Variants in PCDHA4 observed in about 807,000 individuals in gnomAD.
PCDHA4 encodes the protein protocadherin alpha-4.
PCDHA4 carries 49 observed loss-of-function variants against 61.4 expected under a neutral mutation model. The ratio of observed to expected loss-of-function variants is 0.80; its 90% confidence interval spans 0.63 to 1.01. The LOEUF is 1.01. Among genes scored for constraint, PCDHA4 ranks in the 50% least tolerant of loss-of-function variants. PCDHA4 has a pLI of 0.00. For synonymous variants in PCDHA4, 590 were observed against 550.3 expected (o/e 1.07, Z -1.01); for missense variants, 1,254 against 1,235.8 (o/e 1.01, Z -0.22).
rs548657178 is a variant in PCDHA4 at position 140,808,515 on chromosome 5, T to G, written c.1328T>G (p.Val443Gly). The G allele has an allele frequency of 1.9e-6, 3 of 1,614,118 alleles. No individual in the cohort carries two copies. Among genetic ancestry groups the G allele is most frequent in the Admixed American group, 3.3e-5 (2 of 60,032 alleles). Residue 443 changes from valine (V) to glycine (G), a missense_variant, in exon 1 of 4, where the codon GTG (valine) becomes GGG (glycine). Val to Gly is a moderately radical substitution (Grantham distance 109). Coordinates refer to ENST00000530339, the MANE Select transcript of PCDHA4 (RefSeq NM_018907.4). ...CTGTGGGCCACGGCCAGTGTTTCTG[T>G]GGAGGTGGCTGATGTGAACGACAAC... Reference protein sequence around the residue: ...PSLWATASVSVEVADVNDNAP... With the variant: ...PSLWATASVSGEVADVNDNAP...
In PCDHA4 at chr5:140,900,301, C is replaced by CAG. The variant is rs1168626144; in HGVS notation, c.2386-78647_2386-78646dup. Among the ~76,000 whole-genome samples the CAG allele has an allele frequency of 1.4e-4, 22 of 152,156 alleles. No homozygotes were observed. The East Asian group carries it at 4.1e-3, about 28-fold the overall frequency. On this transcript the variant is annotated intron_variant, in intron 1 of 3. Coordinates refer to ENST00000530339, the MANE Select transcript of PCDHA4 (RefSeq NM_018907.4). ...ACACTTTCTTTTCTGTTTTTTTAGACAGTCTCACTTTTGTCGCCCAGGCTG... is the reference window on the plus strand; with the variant it reads ...ACACTTTCTTTTCTGTTTTTTTAGACAGAGTCTCACTTTTGTCGCCCAGGCTG...
At position 140,927,496 on chromosome 5, in the gene PCDHA4, G is replaced by A. The variant is rs1206944698; in HGVS notation, c.2386-51453G>A. ...CGAACAGCGCGCCACCCACCTGCTG[G>A]TGCTTACAGCTCGGGACGGCGGGCT... On this transcript the variant is annotated intron_variant, in intron 1 of 3. Coordinates refer to ENST00000530339, the MANE Select transcript of PCDHA4 (RefSeq NM_018907.4). 10 of 1,614,026 alleles carry A rather than the reference G, an allele frequency of 6.2e-6. No individual in the cohort carries two copies. In the African/African-American group the frequency reaches 8.0e-5, roughly 13 times the overall value.
chr5:140,959,254 G>A (rs1318438220), intron 1 of PCDHA4, among the ~76,000 whole-genome samples: 3 of 152,054 alleles, frequency 2.0e-5, no homozygotes, highest in Non-Finnish European at 2.9e-5. Context: ...GTGCATGACT[G>A]TAGTCCCAGC....
At chr5:140,955,590 C>CTT (rs1554221986) in intron 1 of PCDHA4, among the ~76,000 whole-genome samples, 2 of 152,132 alleles carry the variant, frequency 1.3e-5, no homozygotes, top group East Asian at 3.9e-4. Context: ...AAACCTCTTT[C>CTT]TTTTATAAAT....
At chr5:140,882,551 C>A in intron 1 of PCDHA4, 1 of 1,614,216 alleles carries the variant, frequency 6.2e-7, no homozygotes, top group Non-Finnish European at 8.5e-7. Flanking sequence ...CCGCGAGGAG[C>A]TGTGTGGGCG....
At chr5:140,843,397 G>T in intron 1 of PCDHA4, 1 of 1,596,068 alleles carries the variant, frequency 6.3e-7, no homozygotes, top group Non-Finnish European at 8.6e-7. Context: ...CGGAAGCGGC[G>T]CTGGTGGATG....
rs941007574 is a variant in PCDHA4 at position 141,010,090 on chromosome 5, C to G, written c.*153C>G. ...AAGTTCCCTGTGTCTGTCTAGAACG[C>G]ATTTAACAGGTTTTGTCGTAAAAGC... On this transcript the variant is annotated 3_prime_UTR_variant, in exon 4 of 4. Transcript: ENST00000530339. 1.5e-5 allele frequency: 24 copies of G among 1,612,636 alleles called. No homozygotes were observed. Among genetic ancestry groups the G allele is most frequent in the Non-Finnish European group, 2.0e-5 (24 of 1,179,276 alleles).
chr5:140,853,773 G>T lies in PCDHA4; in HGVS notation c.2385+44201G>T, dbSNP rs1314625859. The T allele has an allele frequency of 6.1e-6, 6 of 987,764 alleles. No homozygotes were observed. The African/African-American group carries it at 1.1e-4, about 17-fold the overall frequency. 61.2% of individuals were successfully genotyped at this position (987,764 alleles called of 1,614,324 possible). On this transcript the variant is annotated intron_variant, in intron 1 of 3. Transcript: ENST00000530339. ...GGCTCCACCTCAGAAATTCTGAAAT[G>T]GGTAGTAAGAGCAAATTTTCATTTT...
chr5:140,813,254 C>T (rs1554126149), intron 1 of PCDHA4: 1 of 152,178 alleles, frequency 6.6e-6, no homozygotes, highest in East Asian at 1.9e-4. Flanking sequence ...TCTCCTACTA[C>T]AGTCATTGGA....
rs1554178015 is a variant in PCDHA4 at position 140,883,392 on chromosome 5, C to A, written c.2385+73820C>A. 1.9e-6 allele frequency: 3 copies of A among 1,614,184 alleles called. No individual in the cohort carries two copies. The East Asian group carries it at 6.7e-5, about 36-fold the overall frequency. ...GCCATTATTGCCCTAATCAGTGTGT[C>A]CGATCGTGACTCTGGCTCAAATGGA... is the stretch of plus-strand genomic sequence containing the variant. On this transcript the variant is annotated intron_variant, in intron 1 of 3. Transcript: ENST00000530339.
intron 1 of PCDHA4, chr5:140,882,281 T>C (rs1554173360): frequency 6.2e-7 from 1 of 1,612,634 alleles, no homozygotes; most frequent in African/African-American, 1.3e-5. Context: ...GCTGTCTTCC[T>C]GGCAAGGAGG....
chr5:140,866,472 CT>C (rs2049389020), intron 1 of PCDHA4: 2 of 152,112 alleles, frequency 1.3e-5, no homozygotes, highest in Non-Finnish European at 2.9e-5. Flanking sequence ...CTCATAACAA[CT>C]GACAAATGAT....
intron 1 of PCDHA4, among the ~76,000 whole-genome samples, chr5:140,900,977 C>T (rs1223245503): frequency 2.0e-5 from 3 of 152,112 alleles, no homozygotes; most frequent in South Asian, 2.1e-4. Flanking sequence ...AGTATCTTTT[C>T]CTATACCTGT....
intron 1 of PCDHA4, among the ~76,000 whole-genome samples, chr5:140,838,613 A>AT (rs1775803010): frequency 2.0e-5 from 3 of 152,150 alleles, no homozygotes; most frequent in Non-Finnish European, 4.4e-5. Flanking sequence ...ACTTTTAAAA[A>AT]TTTTTTACAA....
intron 1 of PCDHA4, chr5:140,868,993 T>C (rs1441909187): frequency 1.3e-6 from 2 of 1,515,702 alleles, no homozygotes; most frequent in Non-Finnish European, 8.8e-7. Context: ...TGCCACCGTT[T>C]AAGGATCCTT....
chr5:140,965,999 A>T (rs1300275113), intron 1 of PCDHA4, among the ~76,000 whole-genome samples: 1 of 152,140 alleles, frequency 6.6e-6, no homozygotes, highest in Non-Finnish European at 1.5e-5. Context: ...AGTACTTAAG[A>T]GTGTCCAGGG....
At chr5:140,881,347 C>T in intron 1 of PCDHA4, 1 of 985,212 alleles carries the variant, frequency 1.0e-6, no homozygotes, top group Non-Finnish European at 1.2e-6. Context: ...ATTCGGGCTA[C>T]AATGCGTGGC....
intron 1 of PCDHA4, among the ~76,000 whole-genome samples, chr5:140,963,050 G>A (rs2095732681): frequency 6.6e-6 from 1 of 152,030 alleles, no homozygotes; most frequent in African/African-American, 2.4e-5. Flanking sequence ...AGTCTATAAG[G>A]GTTTCTACAT....
intron 1 of PCDHA4, chr5:140,927,514 G>T: frequency 6.2e-7 from 1 of 1,614,056 alleles, no homozygotes; most frequent in Non-Finnish European, 8.5e-7. Flanking sequence ...AGCTCGGGAC[G>T]GCGGGCTACC....
Sources: gnomAD v4.1 joint callset for allele counts (sites outside exome capture counted in the v4.1 genomes callset) on GRCh38, gnomAD v4.1.1 for gene constraint, MANE v1.5 for transcripts, NCBI Gene and HGNC (gene_info 2026-07-23, HGNC 2026-07-21) for gene names.